Variants in VCL observed in about 807,000 individuals in gnomAD.
The protein encoded by VCL is vinculin, also known as epididymis luminal protein 114.
A neutral mutation model predicts 125.7 loss-of-function variants in VCL; 47 were observed. That is an observed-to-expected ratio of 0.37 (90% CI 0.30 to 0.48). The LOEUF (loss-of-function observed/expected upper bound fraction) is 0.48, where lower values mean the gene tolerates loss of function less well. VCL is among the 20% of genes least tolerant of loss of function. The probability of loss-of-function intolerance (pLI) is 0.99; values close to 1 mark genes in which losing one functional copy is unlikely to be tolerated. For synonymous variants in VCL, 458 were observed against 514.6 expected (o/e 0.89, Z 1.49); for missense variants, 1,069 against 1,455.5 (o/e 0.73, Z 4.32).
chr10:74,025,872 G>C (rs1371568077), intron 1 of VCL, among the ~76,000 whole-genome samples: 1 of 152,154 alleles, frequency 6.6e-6, no homozygotes, highest in Non-Finnish European at 1.5e-5. Context: ...GTTAAGAGTG[G>C]AAGTTTAATA....
chr10:74,096,388 T>C (rs1373529250), intron 12 of VCL, among the ~76,000 whole-genome samples: 3 of 152,084 alleles, frequency 2.0e-5, no homozygotes, highest in Non-Finnish European at 4.4e-5. Flanking sequence ...AAAGAAAACT[T>C]TGTAATCCTG....
intron 1 of VCL, among the ~76,000 whole-genome samples, chr10:74,038,392 G>C (rs959176570): frequency 5.3e-5 from 8 of 152,106 alleles, no homozygotes; most frequent in African/African-American, 1.2e-4. Context: ...CATCATAAAA[G>C]AAAATTATTT....
Position 74,048,476 on chromosome 10 carries a change from A to G in VCL, c.239+5323A>G, listed in dbSNP as rs1433538954. ...CGAAACTCTGTCTCAAAAAAAAAAAAAAAAGAAAAGAAATCATTTGTTCCT... is the reference window on the plus strand; with the variant it reads ...CGAAACTCTGTCTCAAAAAAAAAAAGAAAAGAAAAGAAATCATTTGTTCCT... On this transcript the variant is annotated intron_variant, in intron 2 of 21. Transcript: ENST00000211998. Among the ~76,000 whole-genome samples the G allele has an allele frequency of 2.0e-5, 3 of 151,864 alleles. No individual in the cohort carries two copies. In the East Asian group the frequency reaches 5.8e-4, roughly 29 times the overall value.
At chr10:74,084,051 C>G (rs981164297) in intron 8 of VCL, among the ~76,000 whole-genome samples, 7 of 151,942 alleles carry the variant, frequency 4.6e-5, no homozygotes, top group Non-Finnish European at 8.8e-5. Context: ...ATTTTTAGTA[C>G]AGACGGGGTT....
rs545539526 is a variant in VCL at position 74,091,791 on chromosome 10, CAAAAAAAAAAAA to C, written c.1352+1605_1352+1616del. On this transcript the variant is annotated intron_variant, in intron 10 of 21. Transcript: ENST00000211998. Reference sequence around the variant, plus strand: ...GTGACAGAGTGAGACTCTGTCTCAGCAAAAAAAAAAAAAAAAAAAAAAAGAAAAGAAAAGAAA... The same window carrying C: ...GTGACAGAGTGAGACTCTGTCTCAGCAAAAAAAAAAAGAAAAGAAAAGAAA... Among the ~76,000 whole-genome samples the C allele has an allele frequency of 4.6e-4, 28 of 61,110 alleles. No individual in the cohort carries two copies. In the Admixed American group the frequency reaches 7.8e-3, roughly 17 times the overall value. 40.1% of individuals were successfully genotyped at this position (61,110 alleles called of 152,430 possible).
intron 1 of VCL, among the ~76,000 whole-genome samples, chr10:74,008,094 G>A (rs1017278520): frequency 3.9e-5 from 6 of 152,242 alleles, no homozygotes; most frequent in Admixed American, 1.3e-4. Flanking sequence ...ATGAGCCACC[G>A]CGCCCGGCCT....
At chr10:74,069,039 T>A (rs1591685727) in intron 2 of VCL, among the ~76,000 whole-genome samples, 1 of 151,798 alleles carries the variant, frequency 6.6e-6, no homozygotes, top group East Asian at 1.9e-4. Context: ...TATACTGCCT[T>A]ATGTTTTTTT....
chr10:74,108,819 T>C (rs1018914911), intron 17 of VCL, 152 bp from the exon 18 acceptor site: 1 of 814,114 alleles, frequency 1.2e-6, no homozygotes, highest in African/African-American at 1.7e-5. Context: ...TCTGTTGAGA[T>C]TGAAGCAGGT....
rs545660724 is a variant in VCL at position 74,042,869 on chromosome 10, CATT to C, written c.169-211_169-209del. Among the ~76,000 whole-genome samples, 71 of 152,196 alleles carry C rather than the reference CATT, an allele frequency of 4.7e-4. 1 individual carries two copies. The East Asian group carries it at 0.014, about 29-fold the overall frequency. ...TTATTCTGAAGAAGGAGTAATACAA[CATT>C]ATGTTTGTATTCCATATTGTTATTC... On this transcript the variant is annotated intron_variant, in intron 1 of 21. Transcript: ENST00000211998.
At position 74,118,486 on chromosome 10, in the gene VCL, A is replaced by G; in HGVS notation, c.*317A>G. 2.5e-6 allele frequency: 1 copy of G among 398,684 alleles called. No individual in the cohort carries two copies. The highest frequency in any genetic ancestry group is 2.2e-5 in the South Asian group (1 of 46,094). 24.7% of individuals were successfully genotyped at this position (398,684 alleles called of 1,614,324 possible). The stretch of plus-strand genomic sequence containing the variant: ...GAATCCAAGTGAACACTAGCCAGAC[A>G]CTCTGCTCTGCCCTTGTTCCCTAGG... On this transcript the variant is annotated 3_prime_UTR_variant, in exon 22 of 22. Coordinates refer to ENST00000211998, the MANE Select transcript of VCL (RefSeq NM_014000.3).
intron 2 of VCL, among the ~76,000 whole-genome samples, chr10:74,044,110 C>CAA (rs531942200): frequency 2.2e-5 from 3 of 138,296 alleles, no homozygotes; most frequent in African/African-American, 7.8e-5. Flanking sequence ...GACTCTGTCT[C>CAA]AAAAAAAAAA....
chr10:74,110,937 AAT>A (rs1481908433), intron 18 of VCL, among the ~76,000 whole-genome samples: 1 of 152,070 alleles, frequency 6.6e-6, no homozygotes, highest in African/African-American at 2.4e-5. Context: ...CTCATTCTTA[AAT>A]GAGCACCATT....
chr10:74,067,024 A>G (rs1446421914), intron 2 of VCL, among the ~76,000 whole-genome samples: 1 of 152,156 alleles, frequency 6.6e-6, no homozygotes, highest in Admixed American at 6.5e-5. Flanking sequence ...AATTTATACA[A>G]TCTTTTACAT....
At chr10:74,081,350 G>A (rs1839671173) in intron 6 of VCL, among the ~76,000 whole-genome samples, 1 of 152,166 alleles carries the variant, frequency 6.6e-6, no homozygotes, top group Non-Finnish European at 1.5e-5. Context: ...ATTTGTGATA[G>A]TGCTGTATCT....
intron 20 of VCL, among the ~76,000 whole-genome samples, 175 bp from the exon 21 acceptor site, chr10:74,114,620 G>A (rs1840284103): frequency 6.6e-6 from 1 of 151,580 alleles, no homozygotes; most frequent in African/African-American, 2.4e-5. Flanking sequence ...TTCCATTTCT[G>A]GAGAAATGGA....
rs908248894 is a variant in VCL at position 74,118,613 on chromosome 10, T to A, written c.*444T>A. 3.9e-6 allele frequency: 1 copy of A among 254,520 alleles called. No individual in the cohort carries two copies. The highest frequency in any genetic ancestry group is 7.8e-6 in the Non-Finnish European group (1 of 128,422). 15.8% of individuals were successfully genotyped at this position (254,520 alleles called of 1,614,324 possible). On this transcript the variant is annotated 3_prime_UTR_variant, in exon 22 of 22. Transcript: ENST00000211998. Reference sequence around the variant, plus strand: ...TCAGTTACTAAGAAGAAAATTGCTGTGCCTCCCAAAATTGTTTTGAGCTTT... The same window carrying A: ...TCAGTTACTAAGAAGAAAATTGCTGAGCCTCCCAAAATTGTTTTGAGCTTT...
intron 2 of VCL, among the ~76,000 whole-genome samples, chr10:74,062,003 TCCTC>T (rs1264432137): frequency 1.3e-5 from 2 of 151,204 alleles, no homozygotes; most frequent in African/African-American, 4.9e-5. Context: ...GCCCAAGTGA[TCCTC>T]CCACCTCAGC....
chr10:74,058,388 G>A (rs11000864), intron 2 of VCL, among the ~76,000 whole-genome samples: 52,924 of 151,876 alleles, frequency 0.35, 10,881 homozygotes, highest in Non-Finnish European at 0.47. Flanking sequence ...CTGTTTCCTT[G>A]GGTGTGCTCC....
intron 1 of VCL, among the ~76,000 whole-genome samples, chr10:74,015,443 A>G (rs1234680512): frequency 6.6e-6 from 1 of 151,912 alleles, no homozygotes; most frequent in African/African-American, 2.4e-5. Context: ...AATCCCAGCT[A>G]CTCGGGAGAC....
Sources: allele counts gnomAD v4.1 joint callset (sites outside exome capture counted in the v4.1 genomes callset), GRCh38; gene constraint gnomAD v4.1.1; transcripts MANE v1.5; gene names NCBI Gene and HGNC (gene_info 2026-07-23, HGNC 2026-07-21).